STPG2: variants seen among roughly 807,000 people sequenced by gnomAD.
STPG2 encodes sperm tail PG-rich repeat containing 2.
A neutral mutation model predicts 54.2 loss-of-function variants in STPG2; 56 were observed. The ratio of observed to expected loss-of-function variants is 1.03; its 90% CI spans 0.83 to 1.29. The LOEUF (loss-of-function observed/expected upper bound fraction) is 1.29. STPG2 is among the 50% of genes most tolerant of loss of function. The pLI, the probability that STPG2 is intolerant of heterozygous loss-of-function variation, is 0.00. For missense variants in STPG2, 596 were observed against 544.9 expected, an observed-to-expected ratio of 1.09 and a Z score of -0.93; for synonymous variants, 200 against 181.8, an observed-to-expected ratio of 1.10 and a Z score of -0.81.
chr4:97,717,067 C>G (rs1724312543), intron 9 of STPG2, among the ~76,000 whole-genome samples: 1 of 151,964 alleles, frequency 6.6e-6, no homozygotes. Context: ...ATCATCAATG[C>G]CAGAGACACA....
chr4:98,134,409 T>C lies in STPG2; in HGVS notation c.160A>G (p.Ile54Val). 3 of 1,590,746 alleles carry C rather than the reference T, an allele frequency of 1.9e-6. No homozygotes were observed. Among genetic ancestry groups the C allele is most frequent in the Non-Finnish European group, 2.6e-6 (3 of 1,166,262 alleles). The part of the protein sequence containing the change: ...SLTARESTFT[I>V]ASSIEKAVPG... ...ACAGCTTTCTCAATGCTAGAGGCAA[T>C]GGTAAAAGTACTTTCTCTGGCAGTC... Residue 54 changes from isoleucine to valine, a missense_variant, in exon 2 of 11, where the codon ATT (isoleucine) becomes GTT (valine). Physicochemically the swap from Ile to Val is conservative, Grantham distance 29. Coordinates refer to ENST00000295268, the MANE Select transcript of STPG2 (RefSeq NM_174952.3).
chr4:97,955,925 C>A (rs905369853), intron 7 of STPG2, among the ~76,000 whole-genome samples: 1 of 151,826 alleles, frequency 6.6e-6, no homozygotes, highest in Non-Finnish European at 1.5e-5. Context: ...TTCAGACAAA[C>A]AAAAACTGTA....
intron 9 of STPG2, among the ~76,000 whole-genome samples, chr4:97,728,198 A>T (rs917027504): frequency 2.5e-4 from 38 of 151,950 alleles, no homozygotes; most frequent in African/African-American, 8.4e-4. Flanking sequence ...GTTATCTTCA[A>T]CCTCTTTCTC....
intron 8 of STPG2, among the ~76,000 whole-genome samples, chr4:97,931,236 G>C (rs1403733352): frequency 3.3e-5 from 5 of 152,184 alleles, no homozygotes; most frequent in Admixed American, 3.3e-4. Context: ...TAAAAGTGGT[G>C]AGAGAAAGCT....
chr4:98,055,399 G>A lies in STPG2; in HGVS notation c.612+50554C>T, dbSNP rs556891162. Among the ~76,000 whole-genome samples the A allele has an allele frequency of 9.9e-5, 15 of 152,184 alleles. No homozygotes were observed. In the East Asian group the frequency reaches 2.9e-3, roughly 29 times the overall value. ...AGGTGCTGAAAGTGTATGGAGGAAA[G>A]ACCCAGAAGCTGGGCTGAACGGAGA... On this transcript the variant is annotated intron_variant, in intron 5 of 10. Transcript: ENST00000295268.
chr4:97,616,849 C>A (rs1023023745), intron 10 of STPG2, among the ~76,000 whole-genome samples: 2 of 152,006 alleles, frequency 1.3e-5, no homozygotes, highest in African/African-American at 4.8e-5. Context: ...TCTAAAGACC[C>A]TTACCAGATT....
intron 4 of STPG2, among the ~76,000 whole-genome samples, chr4:97,474,049 T>C (rs1167333075): frequency 1.3e-5 from 2 of 152,096 alleles, no homozygotes; most frequent in African/African-American, 2.4e-5. Flanking sequence ...ATGGAATGTA[T>C]ACTAAGAGTG....
At chr4:97,569,098 G>A (rs1380054452) in intron 10 of STPG2, among the ~76,000 whole-genome samples, 1 of 152,118 alleles carries the variant, frequency 6.6e-6, no homozygotes, top group Non-Finnish European at 1.5e-5. Flanking sequence ...CTGCTCAACT[G>A]AGTATACTTG....
chr4:97,506,125 C>T (rs1730839335), intron 4 of STPG2, among the ~76,000 whole-genome samples: 1 of 149,710 alleles, frequency 6.7e-6, no homozygotes, highest in East Asian at 2.0e-4. Flanking sequence ...ACAAAAACTG[C>T]AAACTCACTT....
At chr4:97,900,419 G>C (rs1179938514) in intron 8 of STPG2, among the ~76,000 whole-genome samples, 1 of 152,056 alleles carries the variant, frequency 6.6e-6, no homozygotes, top group Non-Finnish European at 1.5e-5. Flanking sequence ...TCCCATTACC[G>C]GGTATATTCC....
At chr4:97,755,142 G>A (rs9995477) in intron 9 of STPG2, among the ~76,000 whole-genome samples, 127,607 of 152,100 alleles carry the variant, frequency 0.84, 53,697 homozygotes, top group Middle Eastern at 0.94. Context: ...GCATTTATCG[G>A]CTTCATTTCT....
At chr4:98,003,167 C>T (rs1735466363) in intron 5 of STPG2, among the ~76,000 whole-genome samples, 1 of 151,960 alleles carries the variant, frequency 6.6e-6, no homozygotes, top group African/African-American at 2.4e-5. Context: ...ATAAATGGCC[C>T]AGAAATTATG....
At chr4:98,078,571 TA>T (rs1392408478) in intron 5 of STPG2, among the ~76,000 whole-genome samples, 139 of 140,404 alleles carry the variant, frequency 9.9e-4, no homozygotes, top group Admixed American at 1.1e-3. Flanking sequence ...GCAATAGATT[TA>T]AAAAAAAAAA....
chr4:97,991,648 G>A (rs965559480), intron 5 of STPG2, among the ~76,000 whole-genome samples: 7 of 151,854 alleles, frequency 4.6e-5, no homozygotes, highest in Non-Finnish European at 1.0e-4. Context: ...TCAAATGGTA[G>A]ATCTACTTTT....
chr4:98,009,241 T>C (rs1213126032), intron 5 of STPG2, among the ~76,000 whole-genome samples: 1 of 152,036 alleles, frequency 6.6e-6, no homozygotes. Flanking sequence ...CCTCTTAGAA[T>C]TGCATTCACT....
chr4:97,575,833 T>G (rs1481826156), intron 10 of STPG2, among the ~76,000 whole-genome samples: 1 of 152,134 alleles, frequency 6.6e-6, no homozygotes, highest in Non-Finnish European at 1.5e-5. Flanking sequence ...TTATCTCTTT[T>G]CACTGACAAT....
chr4:97,477,180 TG>T (rs1054513784), intron 4 of STPG2, among the ~76,000 whole-genome samples: 3 of 152,232 alleles, frequency 2.0e-5, no homozygotes, highest in Non-Finnish European at 4.4e-5. Flanking sequence ...CTTTGTTTTT[TG>T]GTGTTACTAT....
chr4:98,031,539 G>A (rs1388987445), intron 5 of STPG2, among the ~76,000 whole-genome samples: 3 of 151,992 alleles, frequency 2.0e-5, no homozygotes, highest in South Asian at 2.1e-4. Flanking sequence ...TTAGCTGGGC[G>A]TGGTGGCCTG....
At chr4:97,728,445 C>T (rs927332528) in intron 9 of STPG2, among the ~76,000 whole-genome samples, 2 of 151,958 alleles carry the variant, frequency 1.3e-5, no homozygotes, top group African/African-American at 2.4e-5. Flanking sequence ...TGACGTAACT[C>T]GGTAGAAATT....
Sources: gnomAD v4.1 joint callset for allele counts (sites outside exome capture counted in the v4.1 genomes callset) on GRCh38, gnomAD v4.1.1 for gene constraint, MANE v1.5 for transcripts, NCBI Gene and HGNC (gene_info 2026-07-23, HGNC 2026-07-21) for gene names.